The following KCNQ1 variants were observed in gnomAD, a reference collection of about 807,000 sequenced individuals.
The protein encoded by KCNQ1 is potassium voltage-gated channel subfamily KQT member 1.
Under a neutral mutation model 72.4 loss-of-function variants are expected in KCNQ1, and 49 were observed. That is an observed-to-expected ratio of 0.68 (90% CI 0.54 to 0.86). KCNQ1 has a LOEUF of 0.86. KCNQ1 is among the 40% of genes least tolerant of loss of function. KCNQ1 has a pLI of 0.00. For missense variants in KCNQ1, 790 were observed against 945.1 expected (o/e 0.84, Z 2.15); for synonymous variants, 450 against 412.6 (o/e 1.09, Z -1.10).
rs557907750 is a variant in KCNQ1, at chr11:2,450,379, G to A, written c.386+4895G>A. Among the ~76,000 whole-genome samples the A allele has an allele frequency of 1.3e-5, 2 of 152,310 alleles. No homozygotes were observed. The highest frequency in any genetic ancestry group is 3.9e-4 in the East Asian group (2 of 5,182). The stretch of plus-strand genomic sequence containing the variant: ...CGGCCCGGGGAGATGCCGCAGAGAA[G>A]CTTCCAGAAGCCCAACATCTGCTGC... On this transcript the variant is annotated intron_variant, in intron 1 of 15. Transcript: ENST00000155840. This position sits in a 1 kb window ranked among gnomAD's most constrained non-coding sequence, Gnocchi z 7.9.
At chr11:2,794,124 G>A (rs1847084771) in intron 15 of KCNQ1, among the ~76,000 whole-genome samples, 1 of 152,214 alleles carries the variant, frequency 6.6e-6, no homozygotes, top group Non-Finnish European at 1.5e-5. Context: ...GGCTTCGTGG[G>A]AGGAGGGTTA....
In KCNQ1 at chr11:2,579,795, C is replaced by A. The variant is rs995656333; in HGVS notation, c.922-3640C>A. On this transcript the variant is annotated intron_variant, in intron 6 of 15. Transcript: ENST00000155840. This position sits in a 1 kb window ranked among gnomAD's most constrained non-coding sequence, Gnocchi z 6.0. ...CACCCAGCCAGCCAGCAGGAGCCCA[C>A]GTGCACCCAGCTCAGCCCCAGGAGG... Among the ~76,000 whole-genome samples the A allele has an allele frequency of 6.6e-6, 1 of 152,086 alleles. No individual in the cohort carries two copies. The highest frequency in any genetic ancestry group is 2.4e-5 in the African/African-American group (1 of 41,424).
chr11:2,835,229 G>A (rs1848035519), intron 15 of KCNQ1, among the ~76,000 whole-genome samples: 1 of 152,108 alleles, frequency 6.6e-6, no homozygotes, highest in Non-Finnish European at 1.5e-5. Flanking sequence ...GGGTGGGCAG[G>A]GCTCCCTGCG....
rs1475148102 is a variant in KCNQ1, at chr11:2,725,012, C to T, written c.1515-43832C>T. 6.6e-6 allele frequency among the ~76,000 whole-genome samples: 1 copy of T among 152,172 alleles called. No homozygotes were observed. Among genetic ancestry groups the T allele is most frequent in the Non-Finnish European group, 1.5e-5 (1 of 68,042 alleles). On this transcript the variant is annotated intron_variant, in intron 11 of 15. Transcript: ENST00000155840. This position sits in a 1 kb window ranked among gnomAD's most constrained non-coding sequence, Gnocchi z 7.2. ...CTTGGTGTGCCACCAGGGTCCCTGTCCGTTTAAGAAAAGCCTGTGGGCCCA... is the reference window on the plus strand; with the variant it reads ...CTTGGTGTGCCACCAGGGTCCCTGTTCGTTTAAGAAAAGCCTGTGGGCCCA...
At chr11:2,474,488 C>A (rs1208884275) in intron 1 of KCNQ1, among the ~76,000 whole-genome samples, 2 of 152,220 alleles carry the variant, frequency 1.3e-5, no homozygotes, top group African/African-American at 4.8e-5. Flanking sequence ...CTGCAGATAG[C>A]AGGCACCATT....
rs1848223448 is a variant in KCNQ1, at chr11:2,564,811, A to C, written c.478-5817A>C. On this transcript the variant is annotated intron_variant, in intron 2 of 15. Transcript: ENST00000155840. The surrounding 1 kb of genome is among the most constrained non-coding windows in gnomAD (Gnocchi z 4.5). The stretch of plus-strand genomic sequence containing the variant: ...CTCTGTGAATCTGATGACTGTAGCG[A>C]CCTCACGTGAGTGGAAGCAGATAGT... Among the ~76,000 whole-genome samples, 1 of 152,116 alleles carries C rather than the reference A, an allele frequency of 6.6e-6. No homozygotes were observed. The highest frequency in any genetic ancestry group is 2.1e-4 in the South Asian group (1 of 4,826).
Position 2,762,183 on chromosome 11 carries a change from G to T in KCNQ1, c.1515-6661G>T, listed in dbSNP as rs1265865073. ...TTCCTCTCGTGTGTCAGGCCTGGGA[G>T]GGGGGCCTTCATGAGACCATCACGG... On this transcript the variant is annotated intron_variant, in intron 11 of 15. Coordinates refer to ENST00000155840, the MANE Select transcript of KCNQ1 (RefSeq NM_000218.3). The surrounding 1 kb of genome is among the most constrained non-coding windows in gnomAD (Gnocchi z 4.3). Among the ~76,000 whole-genome samples the T allele has an allele frequency of 6.6e-6, 1 of 152,238 alleles. No individual in the cohort carries two copies. The highest frequency in any genetic ancestry group is 2.4e-5 in the African/African-American group (1 of 41,454).
In KCNQ1 at chr11:2,567,917, A is replaced by G. The variant is rs1051540396; in HGVS notation, c.478-2711A>G. Among the ~76,000 whole-genome samples, 107 of 152,218 alleles carry G rather than the reference A, an allele frequency of 7.0e-4. 1 individual carries two copies. The highest frequency in any genetic ancestry group is 5.9e-5 in the Non-Finnish European group (4 of 68,042). ...TCAGGGTATAACATAAGACACACCT[A>G]TCATTTCAGACCTGCCTAGGACATG... On this transcript the variant is annotated intron_variant, in intron 2 of 15. Coordinates refer to ENST00000155840, the MANE Select transcript of KCNQ1 (RefSeq NM_000218.3). The surrounding 1 kb of genome is among the most constrained non-coding windows in gnomAD (Gnocchi z 6.6).
chr11:2,612,953 G>T lies in KCNQ1; in HGVS notation c.1393+24099G>T. 2 of 398,550 alleles carry T rather than the reference G, an allele frequency of 5.0e-6. No homozygotes were observed. Among genetic ancestry groups the T allele is most frequent in the Non-Finnish European group, 8.8e-6 (2 of 226,052 alleles). 24.7% of individuals were successfully genotyped at this position (398,550 alleles called of 1,614,324 possible). A position where few individuals can be genotyped will look rare whatever the true frequency, so the allele number is the denominator to read the frequency against. On this transcript the variant is annotated intron_variant, in intron 10 of 15. Transcript: ENST00000155840. This position sits in a 1 kb window ranked among gnomAD's most constrained non-coding sequence, Gnocchi z 5.5. ...TCTCTGCATGGATTCTGCAGAGTCT[G>T]TGTTCTCCTGCAGTGTGCAGCCACT...
chr11:2,631,824 G>C, intron 10 of KCNQ1: 1 of 398,588 alleles, frequency 2.5e-6, no homozygotes. Flanking sequence ...GTGTCCTGAT[G>C]CTGTCGTGTA....
In KCNQ1 at chr11:2,592,058, G is replaced by A. The variant is rs1353459428; in HGVS notation, c.1393+3204G>A. Among the ~76,000 whole-genome samples the A allele has an allele frequency of 2.0e-5, 3 of 152,264 alleles. No individual in the cohort carries two copies. The highest frequency in any genetic ancestry group is 2.9e-5 in the Non-Finnish European group (2 of 68,048). Reference sequence around the variant, plus strand: ...CCCCGCAAAGTCAAACCCAGGCCTCGACCTTGTCTGGCTGTGCTTTCTGTT... The same window carrying A: ...CCCCGCAAAGTCAAACCCAGGCCTCAACCTTGTCTGGCTGTGCTTTCTGTT... On this transcript the variant is annotated intron_variant, in intron 10 of 15. Transcript: ENST00000155840. This position sits in a 1 kb window ranked among gnomAD's most constrained non-coding sequence, Gnocchi z 5.2.
rs1341321453 is a variant in KCNQ1 at position 2,813,616 on chromosome 11, G to A, written c.1795-34151G>A. Among the ~76,000 whole-genome samples the A allele has an allele frequency of 1.3e-5, 2 of 152,072 alleles. No homozygotes were observed. The highest frequency in any genetic ancestry group is 2.4e-5 in the African/African-American group (1 of 41,424). The stretch of plus-strand genomic sequence containing the variant: ...GGCAGGGACTCAAAGGATGAGAGAA[G>A]GAACAGAGGGGAGGACCAACATCTC... On this transcript the variant is annotated intron_variant, in intron 15 of 15. Coordinates refer to ENST00000155840, the MANE Select transcript of KCNQ1 (RefSeq NM_000218.3). The surrounding 1 kb of genome is among the most constrained non-coding windows in gnomAD (Gnocchi z 4.4).
chr11:2,662,123 C>G (rs374710321), intron 11 of KCNQ1, 42 bp downstream of exon 11: 1 of 1,613,408 alleles, frequency 6.2e-7, no homozygotes, highest in South Asian at 1.1e-5. Context: ...CTGGAGGGGA[C>G]TGGAGCTCAA....
chr11:2,451,520 A>G lies in KCNQ1; in HGVS notation c.386+6036A>G, dbSNP rs1846118784. ...TCATTGCCCTTGGAGGGTTCTGAGC[A>G]CTGGAAGGACCTGGCTGTGGTCCCA... On this transcript the variant is annotated intron_variant, in intron 1 of 15. Transcript: ENST00000155840. This position sits in a 1 kb window ranked among gnomAD's most constrained non-coding sequence, Gnocchi z 6.4. 6.6e-6 allele frequency among the ~76,000 whole-genome samples: 1 copy of G among 152,158 alleles called. No individual in the cohort carries two copies. The highest frequency in any genetic ancestry group is 1.5e-5 in the Non-Finnish European group (1 of 68,034).
intron 10 of KCNQ1, among the ~76,000 whole-genome samples, chr11:2,597,259 C>A (rs1455567925): frequency 6.6e-6 from 1 of 152,096 alleles, no homozygotes; most frequent in African/African-American, 2.4e-5. Flanking sequence ...TTGATACAAA[C>A]CTCTGTGGAG....
At chr11:2,513,535 G>A (rs1847242936) in intron 1 of KCNQ1, among the ~76,000 whole-genome samples, 1 of 152,156 alleles carries the variant, frequency 6.6e-6, no homozygotes, top group African/African-American at 2.4e-5. Flanking sequence ...GTCCCTGCTG[G>A]GCCCAAGGCA....
chr11:2,777,631 G>GT (rs1554920945), intron 14 of KCNQ1: 4 of 585,442 alleles, frequency 6.8e-6, no homozygotes, highest in East Asian at 2.8e-5. Context: ...GAATGGCTGT[G>GT]CCCCCAGCCT....
In KCNQ1 at chr11:2,541,368, T is replaced by C. The variant is rs1456739156; in HGVS notation, c.477+13350T>C. ...AACCTGGGGGAAGGGCGGGCGTCTT[T>C]ATTTCATTTTAGCTTTCTTTAGCGG... On this transcript the variant is annotated intron_variant, in intron 2 of 15. Coordinates refer to ENST00000155840, the MANE Select transcript of KCNQ1 (RefSeq NM_000218.3). This position sits in a 1 kb window ranked among gnomAD's most constrained non-coding sequence, Gnocchi z 4.8. 6.6e-6 allele frequency among the ~76,000 whole-genome samples: 1 copy of C among 152,184 alleles called. No homozygotes were observed. The highest frequency in any genetic ancestry group is 1.9e-4 in the East Asian group (1 of 5,180).
At chr11:2,521,585 GC>G (rs1847383716) in intron 1 of KCNQ1, 1 of 467,588 alleles carries the variant, frequency 2.1e-6, no homozygotes, top group Non-Finnish European at 4.5e-6. Context: ...GTTCCATGGT[GC>G]AGTGGCTTCC....
Sources: allele counts gnomAD v4.1 joint callset (sites outside exome capture counted in the v4.1 genomes callset), GRCh38; gene constraint gnomAD v4.1.1; non-coding constraint Gnocchi (gnomAD v3.1); transcripts MANE v1.5; gene names NCBI Gene and HGNC (gene_info 2026-07-23, HGNC 2026-07-21).